The following TBC1D22A variants were observed in gnomAD, a reference collection of about 807,000 sequenced individuals.
The protein encoded by TBC1D22A is TBC1 domain family member 22A, also known as putative GTPase activator.
In TBC1D22A, 38 loss-of-function variants were observed where a neutral mutation model predicts 60.2. The ratio of observed to expected loss-of-function variants is 0.63; its 90% CI spans 0.49 to 0.83. TBC1D22A has a LOEUF of 0.83. Ranked by LOEUF, TBC1D22A falls within the 40% of genes least tolerant of loss-of-function variation. The probability of loss-of-function intolerance (pLI) is 0.00; values close to 1 mark genes in which losing one functional copy is unlikely to be tolerated. For missense variants in TBC1D22A, 628 were observed against 701.0 expected (o/e 0.90, Z 1.18); for synonymous variants, 302 against 281.7 (o/e 1.07, Z -0.72).
intron 1 of TBC1D22A, among the ~76,000 whole-genome samples, chr22:46,768,710 C>G (rs1203444857): frequency 6.6e-6 from 1 of 152,124 alleles, no homozygotes; most frequent in African/African-American, 2.4e-5. Flanking sequence ...CTGATGTTTG[C>G]TATTTTAGCT....
intron 7 of TBC1D22A, among the ~76,000 whole-genome samples, chr22:46,895,559 A>G (rs567682982): frequency 4.6e-5 from 7 of 151,976 alleles, no homozygotes; most frequent in Non-Finnish European, 1.0e-4. Context: ...TTCTGTAGAG[A>G]TAGGGATTTG....
At chr22:47,067,659 TCAGAACAGGCAGAGATGCCTGG>T (rs1336629244) in intron 11 of TBC1D22A, among the ~76,000 whole-genome samples, 2 of 152,050 alleles carry the variant, frequency 1.3e-5, no homozygotes, top group Non-Finnish European at 1.5e-5. Context: ...GTGTCAGGGA[TCAGAACAGGCAGAGATGCCTGG>T]GGATGGATGC....
chr22:47,014,459 G>T (rs1780783784), intron 10 of TBC1D22A, among the ~76,000 whole-genome samples: 1 of 152,178 alleles, frequency 6.6e-6, no homozygotes, highest in South Asian at 2.1e-4. Flanking sequence ...GTGTGCTTTT[G>T]TATTGAGGTG....
chr22:46,783,641 C>A (rs1045390606), intron 1 of TBC1D22A, among the ~76,000 whole-genome samples: 1 of 130,784 alleles, frequency 7.6e-6, no homozygotes, highest in Non-Finnish European at 1.7e-5. Context: ...AGTATCATTT[C>A]GCATTTAAAA....
chr22:47,064,951 G>A (rs2063703242), intron 11 of TBC1D22A, among the ~76,000 whole-genome samples: 1 of 152,006 alleles, frequency 6.6e-6, no homozygotes, highest in Non-Finnish European at 1.5e-5. Flanking sequence ...GATGTATCAA[G>A]GTTTTTAAAA....
intron 10 of TBC1D22A, among the ~76,000 whole-genome samples, chr22:47,033,984 A>T (rs1485186058): frequency 1.3e-5 from 2 of 152,156 alleles, no homozygotes; most frequent in East Asian, 1.9e-4. Flanking sequence ...CCCCCGAGGG[A>T]TGAGCAGCCG....
At chr22:46,902,588 C>T (rs572828453) in intron 7 of TBC1D22A, among the ~76,000 whole-genome samples, 13 of 152,354 alleles carry the variant, frequency 8.5e-5, no homozygotes, top group African/African-American at 2.2e-4. Flanking sequence ...TGCTGGAATG[C>T]GAGTTGCTGT....
intron 11 of TBC1D22A, among the ~76,000 whole-genome samples, chr22:47,096,465 A>G (rs1434810562): frequency 3.9e-5 from 6 of 152,196 alleles, no homozygotes; most frequent in Admixed American, 2.0e-4. Context: ...TCTTAATTAT[A>G]GTGTCTTTTG....
At chr22:46,776,711 C>G (rs1462805337) in intron 1 of TBC1D22A, among the ~76,000 whole-genome samples, 1 of 151,766 alleles carries the variant, frequency 6.6e-6, no homozygotes, top group East Asian at 1.9e-4. Context: ...AGGAAGGGGA[C>G]TGTCAGGAAG....
intron 12 of TBC1D22A, among the ~76,000 whole-genome samples, chr22:47,163,702 G>A (rs1358722441): frequency 1.3e-5 from 2 of 152,186 alleles, no homozygotes; most frequent in Non-Finnish European, 2.9e-5. Flanking sequence ...GCCTCTGAGG[G>A]GTGGGCACAG....
intron 11 of TBC1D22A, among the ~76,000 whole-genome samples, chr22:47,082,853 G>A (rs998891760): frequency 6.6e-6 from 1 of 152,174 alleles, no homozygotes; most frequent in African/African-American, 2.4e-5. Context: ...CCATTCCTAG[G>A]TATGTGCATG....
chr22:46,798,433 C>T (rs2084751418), intron 4 of TBC1D22A, among the ~76,000 whole-genome samples: 1 of 152,248 alleles, frequency 6.6e-6, no homozygotes, highest in African/African-American at 2.4e-5. Flanking sequence ...GGGGCAGGCC[C>T]ACAGGGCAGA....
chr22:46,867,463 G>A (rs1371916523), intron 4 of TBC1D22A, among the ~76,000 whole-genome samples: 1 of 152,144 alleles, frequency 6.6e-6, no homozygotes, highest in African/African-American at 2.4e-5. Flanking sequence ...ATACCTTCAA[G>A]GTCCATCAGA....
At chr22:47,156,129 G>C (rs1254949253) in intron 12 of TBC1D22A, among the ~76,000 whole-genome samples, 1 of 152,172 alleles carries the variant, frequency 6.6e-6, no homozygotes, top group East Asian at 1.9e-4. Flanking sequence ...TCTTGGAGAA[G>C]CTGGTCAGTG....
At chr22:46,934,208 G>A (rs771300567) in intron 8 of TBC1D22A, among the ~76,000 whole-genome samples, 7 of 152,150 alleles carry the variant, frequency 4.6e-5, no homozygotes, top group Non-Finnish European at 8.8e-5. Flanking sequence ...GATAACTAAG[G>A]AATCTACTTT....
intron 8 of TBC1D22A, among the ~76,000 whole-genome samples, chr22:46,921,927 G>A (rs2070781250): frequency 6.6e-6 from 1 of 152,066 alleles, no homozygotes; most frequent in Non-Finnish European, 1.5e-5. Flanking sequence ...TGTTTTTGTT[G>A]CAATTGCTTT....
At chr22:46,820,982 C>A (rs1371371188) in intron 4 of TBC1D22A, among the ~76,000 whole-genome samples, 2 of 151,030 alleles carry the variant, frequency 1.3e-5, no homozygotes, top group East Asian at 1.9e-4. Flanking sequence ...TTATGTAATG[C>A]CCTTCTTTGT....
At chr22:46,909,088 T>C (rs1399354462) in intron 7 of TBC1D22A, among the ~76,000 whole-genome samples, 1 of 152,138 alleles carries the variant, frequency 6.6e-6, no homozygotes, top group Non-Finnish European at 1.5e-5. Flanking sequence ...TGGGTGAAGT[T>C]GGGTATGTCC....
At chr22:46,839,630 A>G (rs1036819764) in intron 4 of TBC1D22A, among the ~76,000 whole-genome samples, 56 of 152,240 alleles carry the variant, frequency 3.7e-4, no homozygotes, top group African/African-American at 1.1e-3. Flanking sequence ...AATATCCCAA[A>G]TAGCCAAAGT....
Sources: allele counts gnomAD v4.1 joint callset (sites outside exome capture counted in the v4.1 genomes callset), GRCh38; gene constraint gnomAD v4.1.1; transcripts MANE v1.5; gene names NCBI Gene and HGNC (gene_info 2026-07-23, HGNC 2026-07-21).